PPFIA4: variants seen among roughly 807,000 people sequenced by gnomAD.
PPFIA4 encodes the protein PPFI scaffold protein A4, also known as liprin-alpha-4.
Under a neutral mutation model 145.7 loss-of-function variants are expected in PPFIA4, and 98 were observed. The ratio of observed to expected loss-of-function variants is 0.67; its 90% CI spans 0.57 to 0.80. The LOEUF (loss-of-function observed/expected upper bound fraction) is 0.80, where lower values mean the gene tolerates loss of function less well. Among genes scored for constraint, PPFIA4 ranks in the 30% least tolerant of loss-of-function variants. The pLI, the probability that PPFIA4 is intolerant of heterozygous loss-of-function variation, is 0.00. For missense variants in PPFIA4, 1,457 were observed against 1,632.7 expected (o/e 0.89, Z 1.85); for synonymous variants, 628 against 649.6 (o/e 0.97, Z 0.51).
chr1:203,051,635 T>G, intron 13 of PPFIA4, 134 bp from the exon 14 acceptor site: 1 of 1,448,016 alleles, frequency 6.9e-7, no homozygotes, highest in African/African-American at 1.4e-5. Context: ...TTCAGACATT[T>G]GTGACAGCTC....
intron 14 of PPFIA4, 75 bp from the exon 15 acceptor site, chr1:203,053,678 A>G (rs962865014): frequency 4.0e-6 from 5 of 1,246,062 alleles, no homozygotes; most frequent in Middle Eastern, 2.7e-4. Flanking sequence ...GCTGGTGGGT[A>G]GAGGTAGGGA....
At chr1:203,042,561 G>A (rs1391244325) in intron 2 of PPFIA4, among the ~76,000 whole-genome samples, 1 of 152,190 alleles carries the variant, frequency 6.6e-6, no homozygotes, top group African/African-American at 2.4e-5. Flanking sequence ...CCTTGGGATG[G>A]GGCTGGAAGA....
chr1:203,035,146 C>A, intron 1 of PPFIA4: 1 of 367,066 alleles, frequency 2.7e-6, no homozygotes. Context: ...TCACCTCCAG[C>A]TGGGTGGGTG....
chr1:203,040,398 A>G (rs1659616679), intron 2 of PPFIA4, among the ~76,000 whole-genome samples: 1 of 152,214 alleles, frequency 6.6e-6, no homozygotes, highest in African/African-American at 2.4e-5. Context: ...TGTGTGGGGA[A>G]GAGAACAAGG....
rs1453849018 is a variant in PPFIA4, at chr1:203,059,841, C to T, written c.2573C>T (p.Ser858Phe). The change falls in exon 21 of 30, where the codon TCC (serine) becomes TTC (phenylalanine). Residue 858 changes from serine (S) to phenylalanine (F), a missense_variant. Around this residue, in one of 3 missense-constraint regions of PPFIA4, gnomAD observed 848 missense variants for 1,046.7 expected, o/e 0.81. Transcript: ENST00000295706. ...FAQWDGPTVV[S>F]WLELWVGMPA... is the part of the protein sequence containing the mutation. ...CAGTGGGATGGTCCTACTGTGGTCT[C>T]CTGGTTGGAGGTAAGCCTGAGCAAA... 1 of 1,611,234 alleles carries T rather than the reference C, an allele frequency of 6.2e-7. No individual in the cohort carries two copies. Among genetic ancestry groups the T allele is most frequent in the Non-Finnish European group, 8.5e-7 (1 of 1,178,700 alleles).
chr1:203,075,923 A>T lies in PPFIA4; in HGVS notation c.3574+166A>T. On this transcript the variant is annotated intron_variant, in intron 29 of 29. Coordinates refer to ENST00000295706, the MANE Select transcript of PPFIA4 (RefSeq NM_001304331.2). This position sits in a 1 kb window ranked among gnomAD's most constrained non-coding sequence, Gnocchi z 4.1. ...CCGCGGGGAGCGTGTGTGCGCACTA[A>T]CCCGCCGCTCTGTGTGTTCTCCCGC... 1.4e-6 allele frequency: 1 copy of T among 702,464 alleles called. No individual in the cohort carries two copies. Among genetic ancestry groups the T allele is most frequent in the Non-Finnish European group, 2.1e-6 (1 of 475,450 alleles). The allele number at this position is 702,464 out of a possible 1,614,324, so 43.5% of individuals were successfully genotyped here. A position where few individuals can be genotyped will look rare whatever the true frequency, so the allele number is the denominator to read the frequency against.
chr1:203,054,612 A>G (rs1215229618), intron 15 of PPFIA4, among the ~76,000 whole-genome samples: 2 of 151,886 alleles, frequency 1.3e-5, no homozygotes, highest in Non-Finnish European at 2.9e-5. Context: ...GAGCTTTATA[A>G]GCTGTACAGG....
At chr1:203,037,656 C>T (rs925862435) in intron 1 of PPFIA4, among the ~76,000 whole-genome samples, 1 of 152,210 alleles carries the variant, frequency 6.6e-6, no homozygotes, top group Admixed American at 6.5e-5. Flanking sequence ...GACCATTGGG[C>T]TCCTGTGCCA....
intron 24 of PPFIA4, among the ~76,000 whole-genome samples, 164 bp downstream of exon 24, chr1:203,061,842 T>G: frequency 6.6e-6 from 1 of 150,452 alleles, no homozygotes; most frequent in East Asian, 2.0e-4. Flanking sequence ...CCCAGTTCCC[T>G]CAAACTGCTT....
chr1:203,039,210 C>G lies in PPFIA4; in HGVS notation c.202C>G (p.Leu68Val). The change falls in exon 2 of 30, where the codon CTC becomes GTC. Residue 68 changes from leucine to valine, a missense_variant. This residue lies in a region of PPFIA4 where 463 missense variants were observed against 459.8 expected (regional missense o/e 1.01). Coordinates refer to ENST00000295706, the MANE Select transcript of PPFIA4 (RefSeq NM_001304331.2). The part of the protein sequence containing the change: ...LQDAIHERDQ[L>V]QRHLNSALPQ... The stretch of plus-strand genomic sequence containing the variant: ...GGATGCCATACACGAGCGGGACCAG[C>G]TCCAGCGCCACCTTAACTCCGCCCT... 1.9e-6 allele frequency: 3 copies of G among 1,602,208 alleles called. No homozygotes were observed. Among genetic ancestry groups the G allele is most frequent in the Non-Finnish European group, 2.6e-6 (3 of 1,175,226 alleles).
chr1:203,073,049 G>A (rs1346798169), intron 28 of PPFIA4, among the ~76,000 whole-genome samples: 1 of 152,170 alleles, frequency 6.6e-6, no homozygotes, highest in Non-Finnish European at 1.5e-5. Flanking sequence ...GTGTGGTGCT[G>A]TCTAATTTAG....
At chr1:203,056,353 G>A in intron 17 of PPFIA4, 22 bp from the exon 18 acceptor site, 2 of 1,612,520 alleles carry the variant, frequency 1.2e-6, no homozygotes, top group Non-Finnish European at 1.7e-6. Context: ...TCTATCCCCT[G>A]ACGGCTCCAC....
chr1:203,044,195 C>G, intron 4 of PPFIA4, 100 bp downstream of exon 4: 1 of 1,316,854 alleles, frequency 7.6e-7, no homozygotes, highest in Non-Finnish European at 1.0e-6. Flanking sequence ...TTAGGGAGCA[C>G]TGGCTCCCTC....
chr1:203,053,362 G>A (rs1401798858), intron 14 of PPFIA4, among the ~76,000 whole-genome samples: 13 of 152,142 alleles, frequency 8.5e-5, no homozygotes, highest in African/African-American at 2.9e-4. Flanking sequence ...GTGAAACCCC[G>A]TCTCTACTAA....
intron 14 of PPFIA4, among the ~76,000 whole-genome samples, chr1:203,053,148 G>T (rs920932997): frequency 6.6e-6 from 1 of 152,232 alleles, no homozygotes; most frequent in Non-Finnish European, 1.5e-5. Flanking sequence ...AGTGTTTGGT[G>T]GAGATGAGAT....
In PPFIA4 at chr1:203,065,366, G is replaced by A. The variant is rs899956918; in HGVS notation, c.3050+1363G>A. ...GAAAAGGAATCGTTTTTCTCTGCCC[G>A]GAGGCTGCCAGGCCCAGCTGCACCT... is the stretch of plus-strand genomic sequence containing the variant. On this transcript the variant is annotated intron_variant, in intron 25 of 29. Transcript: ENST00000295706. Among the ~76,000 whole-genome samples the A allele has an allele frequency of 7.4e-5, 11 of 149,214 alleles. No individual in the cohort carries two copies. In the South Asian group the frequency reaches 8.7e-4, roughly 12 times the overall value.
At chr1:203,037,593 C>G (rs953170982) in intron 1 of PPFIA4, among the ~76,000 whole-genome samples, 1 of 152,220 alleles carries the variant, frequency 6.6e-6, no homozygotes, top group Non-Finnish European at 1.5e-5. Flanking sequence ...TCGCTGCATG[C>G]GGCCTTTTTC....
At position 203,038,666 on chromosome 1, in the gene PPFIA4, C is replaced by T; in HGVS notation, c.-343C>T. The T allele has an allele frequency of 5.5e-6, 1 of 182,018 alleles. No individual in the cohort carries two copies. Among genetic ancestry groups the T allele is most frequent in the South Asian group, 1.2e-4 (1 of 8,018 alleles). 11.3% of individuals were successfully genotyped at this position (182,018 alleles called of 1,614,324 possible). ...CTAGATCCAGCTGGGACTCTGCCAG[C>T]CTCCGGCACTCAGTCTAAGAGAAGG... On this transcript the variant is annotated 5_prime_UTR_variant, in exon 2 of 30. Transcript: ENST00000295706.
chr1:203,035,825 G>A (rs1242228890), intron 1 of PPFIA4, among the ~76,000 whole-genome samples: 1 of 142,562 alleles, frequency 7.0e-6, no homozygotes, highest in Non-Finnish European at 1.5e-5. Flanking sequence ...AGGGGCAGGA[G>A]GTCCTGGACA....
Sources: gnomAD v4.1 joint callset for allele counts (sites outside exome capture counted in the v4.1 genomes callset) on GRCh38, gnomAD v4.1.1 for gene constraint, gnomAD v4.1.1 regional missense constraint, Gnocchi (gnomAD v3.1) non-coding constraint, MANE v1.5 for transcripts, NCBI Gene and HGNC (gene_info 2026-07-23, HGNC 2026-07-21) for gene names.